Variants in WIPF2 observed in about 807,000 individuals in gnomAD.
WIPF2 encodes the protein WAS/WASL-interacting protein family member 2.
Under a neutral mutation model 38.8 loss-of-function variants are expected in WIPF2, and 23 were observed. That is an observed-to-expected ratio of 0.59 (90% confidence interval 0.43 to 0.84). WIPF2 has a LOEUF of 0.84. Ranked by LOEUF, WIPF2 falls within the 40% of genes least tolerant of loss-of-function variation. The pLI, the probability that WIPF2 is intolerant of heterozygous loss-of-function variation, is 0.00. For synonymous variants in WIPF2, 210 were observed against 223.2 expected, an observed-to-expected ratio of 0.94 and a Z score of 0.53; for missense variants, 574 against 580.5, an observed-to-expected ratio of 0.99 and a Z score of 0.11.
chr17:40,265,724 AT>A (rs1340127115), intron 5 of WIPF2, among the ~76,000 whole-genome samples: 2 of 152,134 alleles, frequency 1.3e-5, no homozygotes, highest in Non-Finnish European at 2.9e-5. Flanking sequence ...GCACTGCAGG[AT>A]TTTGCAAAGA....
intron 5 of WIPF2, among the ~76,000 whole-genome samples, chr17:40,268,025 G>C (rs1287083712): frequency 6.6e-6 from 1 of 152,160 alleles, no homozygotes; most frequent in Non-Finnish European, 1.5e-5. Context: ...GTGCATGCCT[G>C]TAGTCCCAGC....
chr17:40,235,569 CTTT>C (rs777748624), intron 1 of WIPF2, among the ~76,000 whole-genome samples: 3 of 119,894 alleles, frequency 2.5e-5, no homozygotes, highest in African/African-American at 3.1e-5. Context: ...GAGAGTGAGA[CTTT>C]TTTTTTTTTT....
Position 40,256,512 on chromosome 17 carries a change from C to G in WIPF2, c.53C>G (p.Thr18Arg), listed in dbSNP as rs754667304. The G allele has an allele frequency of 2.4e-5, 38 of 1,607,292 alleles. No individual in the cohort carries two copies. The highest frequency in any genetic ancestry group is 3.1e-5 in the Non-Finnish European group (37 of 1,177,392). ...PPPPGPPPPP[T>R]FHQANTEQPK... ...CCACCTGGTCCTCCTCCACCTCCCACATTTCATCAGGTAGGTAGTCCTTCC... is the reference window on the plus strand; with the variant it reads ...CCACCTGGTCCTCCTCCACCTCCCAGATTTCATCAGGTAGGTAGTCCTTCC... The change falls in exon 2 of 8, where the codon ACA (threonine) becomes AGA (arginine). Residue 18 changes from threonine to arginine, a missense_variant. By Grantham distance (71) the Thr-to-Arg change is moderately conservative. Transcript: ENST00000323571.
chr17:40,249,894 G>A (rs866234567), intron 1 of WIPF2, among the ~76,000 whole-genome samples: 5 of 149,078 alleles, frequency 3.4e-5, no homozygotes, highest in South Asian at 2.1e-4. Context: ...GTGCGGTGAC[G>A]TGACCTTGGC....
At chr17:40,263,322 G>C (rs1162469407) in intron 4 of WIPF2, among the ~76,000 whole-genome samples, 4 of 151,958 alleles carry the variant, frequency 2.6e-5, no homozygotes, top group Non-Finnish European at 5.9e-5. Flanking sequence ...GGTTCACAAT[G>C]GGGTTCGCCC....
intron 5 of WIPF2, 41 bp from the exon 6 acceptor site, chr17:40,273,749 T>A (rs1289949282): frequency 3.1e-6 from 4 of 1,289,976 alleles, no homozygotes; most frequent in Non-Finnish European, 3.4e-6. Flanking sequence ...CCCCTTGCCG[T>A]CTCCACATCC....
intron 4 of WIPF2, among the ~76,000 whole-genome samples, chr17:40,263,741 C>T (rs2031988493): frequency 6.6e-6 from 1 of 151,644 alleles, no homozygotes. Context: ...CGGGGTTTCA[C>T]CATGTTGGCC....
In WIPF2 at chr17:40,256,424, G is replaced by C; in HGVS notation, c.-36G>C. The C allele has an allele frequency of 1.3e-6, 2 of 1,593,576 alleles. No homozygotes were observed. Among genetic ancestry groups the C allele is most frequent in the South Asian group, 1.2e-5 (1 of 86,756 alleles). ...ATGACCTAAAGGTACAAATAAAGAC[G>C]GAGAGAGAACAGTGCCAACTGGGAG... On this transcript the variant is annotated 5_prime_UTR_variant, in exon 2 of 8. Coordinates refer to ENST00000323571, the MANE Select transcript of WIPF2 (RefSeq NM_133264.5).
intron 3 of WIPF2, 54 bp from the exon 4 acceptor site, chr17:40,262,471 T>G: frequency 2.8e-6 from 4 of 1,417,314 alleles, no homozygotes; most frequent in Admixed American, 1.7e-5. Context: ...CATGATTTAC[T>G]TGGTCACCAG....
chr17:40,266,749 G>A (rs1166255801), intron 5 of WIPF2, among the ~76,000 whole-genome samples: 1 of 152,018 alleles, frequency 6.6e-6, no homozygotes, highest in African/African-American at 2.4e-5. Context: ...AGGAGAGAGG[G>A]AAAAAATTGA....
rs567880108 is a variant in WIPF2 at position 40,278,554 on chromosome 17, G to C, written c.*329G>C. The C allele has an allele frequency of 3.2e-6, 1 of 310,150 alleles. No individual in the cohort carries two copies. The highest frequency in any genetic ancestry group is 2.1e-5 in the African/African-American group (1 of 47,038). The allele number at this position is 310,150 out of a possible 1,614,324, so 19.2% of individuals were successfully genotyped here. On this transcript the variant is annotated 3_prime_UTR_variant, in exon 8 of 8. Coordinates refer to ENST00000323571, the MANE Select transcript of WIPF2 (RefSeq NM_133264.5). Reference sequence around the variant, plus strand: ...CCTTGTTGTGATGAATTAACTCACTGTTAGGGCAGGGTGGAGAATGGTACT... The same window carrying C: ...CCTTGTTGTGATGAATTAACTCACTCTTAGGGCAGGGTGGAGAATGGTACT...
chr17:40,245,218 T>C (rs952641205), intron 1 of WIPF2, among the ~76,000 whole-genome samples: 5 of 151,748 alleles, frequency 3.3e-5, no homozygotes, highest in South Asian at 4.2e-4. Context: ...GTAACTGTTA[T>C]ACTGAGATTT....
chr17:40,268,327 A>G (rs2032151505), intron 5 of WIPF2, among the ~76,000 whole-genome samples: 1 of 152,164 alleles, frequency 6.6e-6, no homozygotes, highest in South Asian at 2.1e-4. Flanking sequence ...TTTAGCCATA[A>G]TGAGGTAGTG....
chr17:40,219,329 G>T lies in WIPF2; in HGVS notation c.-233G>T. 1 of 340,020 alleles carries T rather than the reference G, an allele frequency of 2.9e-6. No homozygotes were observed. Among genetic ancestry groups the T allele is most frequent in the Non-Finnish European group, 5.6e-6 (1 of 179,360 alleles). 21.1% of individuals were successfully genotyped at this position (340,020 alleles called of 1,614,324 possible). A position where few individuals can be genotyped will look rare whatever the true frequency, so the allele number is the denominator to read the frequency against. On this transcript the variant is annotated 5_prime_UTR_variant, in exon 1 of 8. Coordinates refer to ENST00000323571, the MANE Select transcript of WIPF2 (RefSeq NM_133264.5). ...ATTTTGTTCGCGGACGCTGGGGACG[G>T]TGGGAGCAGATCCATTTCCGGGTTG...
chr17:40,222,654 G>GTTTTTTTTTTT (rs58758484), intron 1 of WIPF2, among the ~76,000 whole-genome samples: 2 of 52,820 alleles, frequency 3.8e-5, no homozygotes, highest in Non-Finnish European at 7.1e-5. Flanking sequence ...TGCATATTCA[G>GTTTTTTTTTTT]TTTTTTTTTT....
intron 1 of WIPF2, among the ~76,000 whole-genome samples, chr17:40,245,396 G>A (rs1329725463): frequency 4.6e-5 from 7 of 151,214 alleles, no homozygotes; most frequent in Admixed American, 6.6e-5. Flanking sequence ...AGGCTGGAGC[G>A]CAGTGGCACG....
chr17:40,256,497 C>G lies in WIPF2; in HGVS notation c.38C>G (p.Pro13Arg). The G allele has an allele frequency of 6.2e-7, 1 of 1,608,148 alleles. No individual in the cohort carries two copies. Among genetic ancestry groups the G allele is most frequent in the Non-Finnish European group, 8.5e-7 (1 of 1,177,556 alleles). ...IPPPPPPPPG[P>R]PPPPTFHQAN... ...CCTCCCCCGCCACCCCCACCTGGTC[C>G]TCCTCCACCTCCCACATTTCATCAG... Residue 13 changes from proline (P) to arginine (R), a missense_variant, in exon 2 of 8, where the codon CCT becomes CGT. Transcript: ENST00000323571.
rs1567727173 is a variant in WIPF2, at chr17:40,277,722, C to CTTT, written c.1283-463_1283-462insTTT. ...AATTGCTTCTCATCATCTTCGTTGTCCTTTTTTTTTTTTTTTTTTTGAGAT... is the reference window on the plus strand; with the variant it reads ...AATTGCTTCTCATCATCTTCGTTGTCTTTCTTTTTTTTTTTTTTTTTTTGAGAT... On this transcript the variant is annotated intron_variant, in intron 7 of 7. Coordinates refer to ENST00000323571, the MANE Select transcript of WIPF2 (RefSeq NM_133264.5). 2.0e-5 allele frequency among the ~76,000 whole-genome samples: 2 copies of CTTT among 99,590 alleles called. 1 individual carries two copies. The highest frequency in any genetic ancestry group is 1.2e-4 in the African/African-American group (2 of 16,386). 65.3% of individuals were successfully genotyped at this position (99,590 alleles called of 152,430 possible).
intron 1 of WIPF2, among the ~76,000 whole-genome samples, chr17:40,220,167 G>T (rs1436355877): frequency 6.6e-6 from 1 of 151,716 alleles, no homozygotes; most frequent in East Asian, 1.9e-4. Context: ...TTTAAAGGTG[G>T]GGTCTGGCTA....
Sources: gnomAD v4.1 joint callset for allele counts (sites outside exome capture counted in the v4.1 genomes callset) on GRCh38, gnomAD v4.1.1 for gene constraint, MANE v1.5 for transcripts, NCBI Gene and HGNC (gene_info 2026-07-23, HGNC 2026-07-21) for gene names.